The following NCAM2 variants were observed in gnomAD, a reference collection of about 807,000 sequenced individuals.
NCAM2 encodes the protein N-CAM-2.
Under a neutral mutation model 98.1 loss-of-function variants are expected in NCAM2, and 30 were observed. The ratio of observed to expected loss-of-function variants is 0.31; its 90% CI spans 0.23 to 0.41. NCAM2 has a LOEUF of 0.41. NCAM2 is among the 10% of genes least tolerant of loss of function. NCAM2 has a pLI of 1.00. For missense variants in NCAM2, 867 were observed against 1,005.8 expected (o/e 0.86, Z 1.87); for synonymous variants, 368 against 342.4 (o/e 1.07, Z -0.83).
chr21:21,076,740 T>A (rs1189117666), intron 1 of NCAM2, among the ~76,000 whole-genome samples: 4 of 152,068 alleles, frequency 2.6e-5, no homozygotes, highest in Middle Eastern at 3.4e-3. Flanking sequence ...ATCGGCTTTT[T>A]AAAAAAAATG....
intron 11 of NCAM2, among the ~76,000 whole-genome samples, chr21:21,426,051 G>A (rs1008189615): frequency 6.6e-6 from 1 of 152,026 alleles, no homozygotes; most frequent in African/African-American, 2.4e-5. Context: ...CTTATATGGT[G>A]AAAGGGGCAA....
At chr21:21,006,363 TG>T (rs1265356357) in intron 1 of NCAM2, among the ~76,000 whole-genome samples, 1 of 152,022 alleles carries the variant, frequency 6.6e-6, no homozygotes, top group Non-Finnish European at 1.5e-5. Context: ...AAAAATTAGC[TG>T]GGCGTGGTGG....
chr21:21,251,415 CTGTTCCTG>C (rs1318568722), intron 1 of NCAM2, among the ~76,000 whole-genome samples: 2 of 151,688 alleles, frequency 1.3e-5, no homozygotes, highest in Non-Finnish European at 2.9e-5. Flanking sequence ...TGCTGATTTT[CTGTTCCTG>C]TGTTAGCTTG....
intron 12 of NCAM2, among the ~76,000 whole-genome samples, chr21:21,433,478 G>C (rs2077387908): frequency 1.3e-5 from 2 of 151,894 alleles, no homozygotes; most frequent in Admixed American, 6.6e-5. Flanking sequence ...GGTGGCTCAT[G>C]CTTGTAATCC....
At chr21:21,000,799 A>G (rs2064007258) in intron 1 of NCAM2, among the ~76,000 whole-genome samples, 1 of 152,172 alleles carries the variant, frequency 6.6e-6, no homozygotes, top group South Asian at 2.1e-4. Flanking sequence ...GGATATAGAT[A>G]TCCTCATCCT....
At chr21:21,224,671 T>C (rs1184254997) in intron 1 of NCAM2, among the ~76,000 whole-genome samples, 2 of 152,128 alleles carry the variant, frequency 1.3e-5, no homozygotes, top group Non-Finnish European at 2.9e-5. Flanking sequence ...TAAAGTTTCA[T>C]TTGTAATATA....
In NCAM2 at chr21:21,100,894, G is replaced by A. The variant is rs115524634; in HGVS notation, c.55+102276G>A. On this transcript the variant is annotated intron_variant, in intron 1 of 17. Coordinates refer to ENST00000400546, the MANE Select transcript of NCAM2 (RefSeq NM_004540.5). Reference sequence around the variant, plus strand: ...TTCATCTCTCTGAATGTTACAAATAGATGCACTTTCCTAGTATCCAGTTTC... The same window carrying A: ...TTCATCTCTCTGAATGTTACAAATAAATGCACTTTCCTAGTATCCAGTTTC... Among the ~76,000 whole-genome samples, 1,176 of 152,098 alleles carry A rather than the reference G, an allele frequency of 7.7e-3. 20 individuals carry two copies. Among genetic ancestry groups the A allele is most frequent in the African/African-American group, 0.026 (1,077 of 41,514 alleles).
chr21:21,414,642 T>C (rs1343157662), intron 10 of NCAM2, among the ~76,000 whole-genome samples: 1 of 151,910 alleles, frequency 6.6e-6, no homozygotes, highest in Non-Finnish European at 1.5e-5. Flanking sequence ...GCTATTTTTT[T>C]GTATTTTTAG....
intron 8 of NCAM2, among the ~76,000 whole-genome samples, chr21:21,362,053 T>C (rs543147746): frequency 6.6e-6 from 1 of 152,148 alleles, no homozygotes; most frequent in Admixed American, 6.6e-5. Context: ...CAATTACTTT[T>C]CAACAACCAG....
At chr21:21,107,271 T>C (rs1176573373) in intron 1 of NCAM2, among the ~76,000 whole-genome samples, 1 of 152,102 alleles carries the variant, frequency 6.6e-6, no homozygotes, top group Non-Finnish European at 1.5e-5. Flanking sequence ...CAACTGAAGC[T>C]CAGAAAGATT....
chr21:21,354,412 G>A (rs1284338665), intron 8 of NCAM2, among the ~76,000 whole-genome samples: 1 of 151,970 alleles, frequency 6.6e-6, no homozygotes, highest in Non-Finnish European at 1.5e-5. Flanking sequence ...AAATTGAATT[G>A]TTTTTATTTA....
intron 1 of NCAM2, among the ~76,000 whole-genome samples, chr21:21,257,715 T>A (rs1568843474): frequency 1.3e-5 from 2 of 152,012 alleles, no homozygotes; most frequent in African/African-American, 4.8e-5. Flanking sequence ...CCTGAGTAGC[T>A]GGGGTTCCAG....
intron 1 of NCAM2, among the ~76,000 whole-genome samples, chr21:21,179,878 A>G (rs2068413769): frequency 6.6e-6 from 1 of 152,242 alleles, no homozygotes; most frequent in Non-Finnish European, 1.5e-5. Context: ...GTGTAACAAA[A>G]CAAAACTAAA....
At chr21:21,031,851 C>G (rs2064691691) in intron 1 of NCAM2, among the ~76,000 whole-genome samples, 1 of 151,860 alleles carries the variant, frequency 6.6e-6, no homozygotes, top group South Asian at 2.1e-4. Context: ...TGTGCTTGTG[C>G]AATGTCTTTA....
At chr21:21,382,070 T>C (rs2076165562) in intron 9 of NCAM2, among the ~76,000 whole-genome samples, 3 of 152,126 alleles carry the variant, frequency 2.0e-5, no homozygotes, top group African/African-American at 7.2e-5. Flanking sequence ...AATTGACCCA[T>C]TGTTCCCTCA....
intron 1 of NCAM2, among the ~76,000 whole-genome samples, chr21:21,060,436 T>C (rs2065298478): frequency 6.6e-6 from 1 of 152,172 alleles, no homozygotes; most frequent in Non-Finnish European, 1.5e-5. Context: ...TTTATCTATT[T>C]ATCCAAAGTC....
intron 1 of NCAM2, among the ~76,000 whole-genome samples, chr21:21,158,720 G>A (rs538338282): frequency 2.0e-5 from 3 of 152,086 alleles, no homozygotes; most frequent in East Asian, 3.9e-4. Flanking sequence ...TTATGATGAC[G>A]CTGATGTAAA....
chr21:21,472,231 G>A (rs1345646921), intron 14 of NCAM2, among the ~76,000 whole-genome samples: 1 of 151,864 alleles, frequency 6.6e-6, no homozygotes, highest in Non-Finnish European at 1.5e-5. Context: ...CAATTGTAAG[G>A]AAGTACTATA....
intron 1 of NCAM2, among the ~76,000 whole-genome samples, chr21:21,082,835 C>A (rs1450645421): frequency 2.6e-5 from 4 of 152,138 alleles, no homozygotes; most frequent in South Asian, 2.1e-4. Context: ...GGTATTTGAA[C>A]CTTCGTACTT....
Sources: gnomAD v4.1 joint callset for allele counts (sites outside exome capture counted in the v4.1 genomes callset) on GRCh38, gnomAD v4.1.1 for gene constraint, MANE v1.5 for transcripts, NCBI Gene and HGNC (gene_info 2026-07-23, HGNC 2026-07-21) for gene names.